Variants in TRIQK observed in about 807,000 individuals in gnomAD.
TRIQK encodes the protein triple QxxK/R motif-containing protein.
TRIQK carries 10 observed loss-of-function variants against 10.8 expected under a neutral mutation model. The observed-to-expected ratio is 0.92, with a 90% CI of 0.57 to 1.57. TRIQK has a LOEUF of 1.57. Among genes scored for constraint, TRIQK ranks in the 40% most tolerant of loss-of-function variants. The pLI is 0.00. For missense variants in TRIQK, 107 were observed against 97.7 expected (o/e 1.09, Z -0.40); for synonymous variants, 33 against 33.7 (o/e 0.98, Z 0.07).
intron 1 of TRIQK, among the ~76,000 whole-genome samples, chr8:93,015,434 C>T (rs2130765759): frequency 6.6e-6 from 1 of 150,510 alleles, no homozygotes; most frequent in East Asian, 2.0e-4. Flanking sequence ...TAACTTCTCA[C>T]TCAGAAAGTT....
chr8:92,901,040 T>C (rs1661286796), intron 3 of TRIQK, among the ~76,000 whole-genome samples: 1 of 152,154 alleles, frequency 6.6e-6, no homozygotes, highest in African/African-American at 2.4e-5. Context: ...TTTCAGACTC[T>C]TTGCTATTGT....
At chr8:92,956,113 A>G (rs1209926768) in intron 1 of TRIQK, among the ~76,000 whole-genome samples, 1 of 151,838 alleles carries the variant, frequency 6.6e-6, no homozygotes, top group Non-Finnish European at 1.5e-5. Flanking sequence ...ACGAATGTTC[A>G]TAGCAGCATT....
At chr8:93,014,964 G>A (rs1209281792) in intron 1 of TRIQK, among the ~76,000 whole-genome samples, 1 of 151,934 alleles carries the variant, frequency 6.6e-6, no homozygotes, top group Non-Finnish European at 1.5e-5. Flanking sequence ...ATTTACTTGT[G>A]GAGAACATAG....
chr8:92,985,706 T>C (rs1282407644), intron 1 of TRIQK, among the ~76,000 whole-genome samples: 1 of 152,162 alleles, frequency 6.6e-6, no homozygotes, highest in Admixed American at 6.5e-5. Context: ...AGTAATAAAA[T>C]GTTTGTAAAA....
intron 3 of TRIQK, among the ~76,000 whole-genome samples, chr8:92,904,483 G>T (rs2130368114): frequency 6.6e-6 from 1 of 152,198 alleles, no homozygotes; most frequent in South Asian, 2.1e-4. Context: ...GAAACCAACT[G>T]AGTACTACTG....
chr8:92,889,869 T>C (rs986319011), intron 4 of TRIQK, among the ~76,000 whole-genome samples: 3 of 151,772 alleles, frequency 2.0e-5, no homozygotes, highest in Admixed American at 1.3e-4. Context: ...AGTGCTATTC[T>C]CATTGCTGTT....
At chr8:92,891,240 T>C (rs1313970926) in intron 4 of TRIQK, among the ~76,000 whole-genome samples, 1 of 151,968 alleles carries the variant, frequency 6.6e-6, no homozygotes, top group Admixed American at 6.6e-5. Context: ...TGATTTTTCA[T>C]CTGCCAGATA....
intron 4 of TRIQK, 136 bp from the exon 5 acceptor site, chr8:92,886,871 G>A: frequency 1.8e-6 from 1 of 545,398 alleles, no homozygotes; most frequent in Non-Finnish European, 3.2e-6. Flanking sequence ...TATCCTTTTT[G>A]TTTACCATTT....
At position 92,949,118 on chromosome 8, in the gene TRIQK, C is replaced by G. The variant is rs372073381; in HGVS notation, c.-22+5288G>C. On this transcript the variant is annotated intron_variant, in intron 2 of 4. Transcript: ENST00000521988. ...ATAAATCTTCCACCACATGGTTATG[C>G]TAATCTCTCTCTGAGCCTATTCTGG... is the stretch of plus-strand genomic sequence containing the variant. Among the ~76,000 whole-genome samples, 39 of 152,320 alleles carry G rather than the reference C, an allele frequency of 2.6e-4. No individual in the cohort carries two copies. In the South Asian group the frequency reaches 4.3e-3, roughly 17 times the overall value.
chr8:92,915,578 G>A (rs572273883), intron 3 of TRIQK, among the ~76,000 whole-genome samples: 2 of 151,832 alleles, frequency 1.3e-5, no homozygotes, highest in Admixed American at 1.3e-4. Flanking sequence ...CTGCCTCCCG[G>A]GTTCCCGGGT....
chr8:92,932,697 T>C (rs1810793572), intron 2 of TRIQK, among the ~76,000 whole-genome samples: 1 of 152,202 alleles, frequency 6.6e-6, no homozygotes, highest in African/African-American at 2.4e-5. Context: ...TATTTATTCG[T>C]TAGTATCCTA....
chr8:92,944,111 A>G (rs1586470534), intron 2 of TRIQK, among the ~76,000 whole-genome samples: 1 of 152,294 alleles, frequency 6.6e-6, no homozygotes, highest in Non-Finnish European at 1.5e-5. Context: ...GTTATATTAA[A>G]ATATCATTAA....
chr8:92,944,680 G>C (rs1438249039), intron 2 of TRIQK, among the ~76,000 whole-genome samples: 2 of 152,140 alleles, frequency 1.3e-5, no homozygotes, highest in African/African-American at 2.4e-5. Context: ...AAAGTAGAAG[G>C]CAGAACGGTG....
chr8:92,941,500 CAAAT>C (rs775092545), intron 2 of TRIQK, among the ~76,000 whole-genome samples: 1 of 151,910 alleles, frequency 6.6e-6, no homozygotes, highest in Non-Finnish European at 1.5e-5. Context: ...AAGAAGATCT[CAAAT>C]AAACAACATA....
intron 1 of TRIQK, chr8:92,963,485 T>C (rs1474345542): frequency 6.6e-6 from 1 of 151,228 alleles, no homozygotes; most frequent in Admixed American, 6.6e-5. Context: ...AAAAAAACAG[T>C]TCTAAGTATC....
At chr8:92,999,150 T>C (rs1813183043) in intron 1 of TRIQK, among the ~76,000 whole-genome samples, 1 of 152,158 alleles carries the variant, frequency 6.6e-6, no homozygotes, top group African/African-American at 2.4e-5. Context: ...CAGGCTAATA[T>C]TTACAAAGAT....
chr8:92,966,930 C>T (rs1269301919), upstream of TRIQK, among the ~76,000 whole-genome samples: 2 of 140,032 alleles, frequency 1.4e-5, no homozygotes, highest in Non-Finnish European at 3.0e-5. Flanking sequence ...TCCTCTAGGC[C>T]AGCCCCATCA....
chr8:92,947,060 T>C (rs996103706), intron 2 of TRIQK, among the ~76,000 whole-genome samples: 3 of 151,748 alleles, frequency 2.0e-5, no homozygotes, highest in Non-Finnish European at 4.4e-5. Context: ...CCACTGCGCC[T>C]GGCTCATTTA....
At chr8:92,918,042 T>G (rs973898969) in intron 2 of TRIQK, among the ~76,000 whole-genome samples, 2 of 152,050 alleles carry the variant, frequency 1.3e-5, no homozygotes, top group African/African-American at 4.8e-5. Flanking sequence ...TCCATGTTGC[T>G]GCAAATGGCA....
Sources: gnomAD v4.1 joint callset for allele counts (sites outside exome capture counted in the v4.1 genomes callset) on GRCh38, gnomAD v4.1.1 for gene constraint, MANE v1.5 for transcripts, NCBI Gene and HGNC (gene_info 2026-07-23, HGNC 2026-07-21) for gene names.